Variants in ZFHX3 observed in about 807,000 individuals in gnomAD.
ZFHX3 encodes the protein zinc finger homeobox protein 3.
A neutral mutation model predicts 279.1 loss-of-function variants in ZFHX3; 42 were observed. That is an observed-to-expected ratio of 0.15 (90% CI 0.12 to 0.19). The LOEUF (loss-of-function observed/expected upper bound fraction) is 0.19. Ranked by LOEUF, ZFHX3 falls within the 10% of genes least tolerant of loss-of-function variation. ZFHX3 has a pLI of 1.00. For synonymous variants in ZFHX3, 2,293 were observed against 1,957.8 expected (o/e 1.17, Z -4.52); for missense variants, 4,981 against 4,754.0 (o/e 1.05, Z -1.40).
chr16:73,729,160 T>C (rs2142246996), intron 1 of ZFHX3, among the ~76,000 whole-genome samples: 1 of 152,272 alleles, frequency 6.6e-6, no homozygotes, highest in African/African-American at 2.4e-5. Context: ...GGAATTCCAG[T>C]TCCTCATGGT....
At chr16:73,737,991 T>G (rs1027157172) in intron 1 of ZFHX3, among the ~76,000 whole-genome samples, 39 of 152,248 alleles carry the variant, frequency 2.6e-4, no homozygotes, top group African/African-American at 9.4e-4. Flanking sequence ...TCAAAACTAA[T>G]GGCAACGTTG....
intron 2 of ZFHX3, among the ~76,000 whole-genome samples, chr16:73,467,366 C>G (rs1390621619): frequency 6.6e-6 from 1 of 152,202 alleles, no homozygotes; most frequent in Non-Finnish European, 1.5e-5. Flanking sequence ...CCTATGTGGA[C>G]TCTAGGTCAC....
At chr16:73,414,438 C>T (rs1020445662) in intron 3 of ZFHX3, among the ~76,000 whole-genome samples, 1 of 152,254 alleles carries the variant, frequency 6.6e-6, no homozygotes, top group African/African-American at 2.4e-5. Context: ...CAAATCTTCA[C>T]TACAAGGTGG....
At chr16:73,558,170 T>G (rs796132390) in intron 2 of ZFHX3, 25 of 152,320 alleles carry the variant, frequency 1.6e-4, no homozygotes, top group African/African-American at 4.8e-4. Context: ...AGAGTGCAAA[T>G]TTCTAAATGC....
At chr16:73,864,527 T>C (rs1370595307) in intron 1 of ZFHX3, among the ~76,000 whole-genome samples, 1 of 152,182 alleles carries the variant, frequency 6.6e-6, no homozygotes. Context: ...GAGACCAGCC[T>C]GGACAACATG....
intron 5 of ZFHX3, among the ~76,000 whole-genome samples, chr16:73,246,305 C>G (rs993225866): frequency 6.6e-6 from 1 of 152,112 alleles, no homozygotes; most frequent in African/African-American, 2.4e-5. Context: ...TCCCTCCTGG[C>G]CAGGAGCTTG....
chr16:73,203,413 T>C (rs959727365), intron 5 of ZFHX3, among the ~76,000 whole-genome samples: 2 of 152,260 alleles, frequency 1.3e-5, no homozygotes, highest in African/African-American at 4.8e-5. Flanking sequence ...ACAATTTGAC[T>C]TGCATTATGG....
intron 2 of ZFHX3, among the ~76,000 whole-genome samples, chr16:73,517,916 A>G (rs1173440801): frequency 1.3e-5 from 2 of 152,246 alleles, no homozygotes; most frequent in Non-Finnish European, 2.9e-5. Context: ...ACATAAAAAA[A>G]TAAGTGAAAT....
chr16:73,525,699 A>G (rs1484516998), intron 2 of ZFHX3, among the ~76,000 whole-genome samples: 1 of 152,220 alleles, frequency 6.6e-6, no homozygotes, highest in Non-Finnish European at 1.5e-5. Flanking sequence ...CCTCAGGACC[A>G]GCAGCCAATA....
rs1193118998 is a variant in ZFHX3, at chr16:73,581,640, C to CTT, written c.-1547+98539_-1547+98540insAA. On this transcript the variant is annotated intron_variant, in intron 2 of 17. Transcript: ENST00000641206. Reference sequence around the variant, plus strand: ...ATTAACATCCATATCACTGGTCAAGCATAAAACTTCGAATGTCTCTTTTTT... The same window carrying CTT: ...ATTAACATCCATATCACTGGTCAAGCTTATAAAACTTCGAATGTCTCTTTTTT... Among the ~76,000 whole-genome samples, 210 of 142,892 alleles carry CTT rather than the reference C, an allele frequency of 1.5e-3. 4 individuals are homozygous for CTT. Among genetic ancestry groups the CTT allele is most frequent in the African/African-American group, 5.4e-3 (206 of 37,958 alleles). 93.7% of individuals were successfully genotyped at this position (142,892 alleles called of 152,430 possible). A position where few individuals can be genotyped will look rare whatever the true frequency, so the allele number is the denominator to read the frequency against.
At chr16:73,718,600 T>C (rs1450529875) in intron 1 of ZFHX3, among the ~76,000 whole-genome samples, 6 of 141,444 alleles carry the variant, frequency 4.2e-5, no homozygotes, top group African/African-American at 1.3e-4. Context: ...TGTTTATGTA[T>C]TTATTTATTT....
At chr16:73,342,701 G>T (rs575029914) in intron 3 of ZFHX3, among the ~76,000 whole-genome samples, 2 of 152,294 alleles carry the variant, frequency 1.3e-5, no homozygotes, top group Non-Finnish European at 2.9e-5. Context: ...CCTGCAAGAG[G>T]TGGGTAGGTA....
At chr16:72,842,848 A>C (rs2037378129) in intron 4 of ZFHX3, among the ~76,000 whole-genome samples, 1 of 152,240 alleles carries the variant, frequency 6.6e-6, no homozygotes, top group Non-Finnish European at 1.5e-5. Context: ...ATGGAAATTA[A>C]GACAGAAAAC....
intron 2 of ZFHX3, among the ~76,000 whole-genome samples, chr16:73,610,861 C>T (rs972872898): frequency 2.0e-5 from 3 of 152,286 alleles, no homozygotes; most frequent in Non-Finnish European, 4.4e-5. Flanking sequence ...AAAGGATTGT[C>T]AAAAGCCAGG....
At chr16:73,082,271 T>C (rs974895100) in intron 8 of ZFHX3, among the ~76,000 whole-genome samples, 6 of 151,960 alleles carry the variant, frequency 3.9e-5, no homozygotes, top group African/African-American at 1.4e-4. Flanking sequence ...GAATGAATTT[T>C]TTTTTCTCTT....
rs75797910 is a variant in ZFHX3 at position 73,044,623 on chromosome 16, T to C, written c.-50+3129A>G. Reference sequence around the variant, plus strand: ...GAGTGTTTGTTTGTTTGTTTGTTTGTTTGCTTTGAGATGGAGTTTCGGAGT... The same window carrying C: ...GAGTGTTTGTTTGTTTGTTTGTTTGCTTGCTTTGAGATGGAGTTTCGGAGT... On this transcript the variant is annotated intron_variant, in intron 1 of 9. Transcript: ENST00000268489. Among the ~76,000 whole-genome samples, 470 of 141,354 alleles carry C rather than the reference T, an allele frequency of 3.3e-3. 2 individuals are homozygous for C. Among genetic ancestry groups the C allele is most frequent in the African/African-American group, 0.012 (453 of 36,866 alleles). The allele number at this position is 141,354 out of a possible 152,430, so 92.7% of individuals were successfully genotyped here. A position where few individuals can be genotyped will look rare whatever the true frequency, so the allele number is the denominator to read the frequency against.
chr16:73,820,391 G>T (rs1328706521), intron 1 of ZFHX3, among the ~76,000 whole-genome samples: 2 of 152,124 alleles, frequency 1.3e-5, no homozygotes, highest in Admixed American at 1.3e-4. Flanking sequence ...ACTCTTAACT[G>T]GCTGGTGGCT....
chr16:73,646,305 C>G (rs958378459), intron 2 of ZFHX3, among the ~76,000 whole-genome samples: 2 of 151,956 alleles, frequency 1.3e-5, no homozygotes, highest in African/African-American at 4.8e-5. Context: ...ATCAAAACTA[C>G]TTAGAGATGA....
chr16:73,691,978 T>C (rs528331534), intron 1 of ZFHX3, among the ~76,000 whole-genome samples: 68 of 152,304 alleles, frequency 4.5e-4, no homozygotes, highest in African/African-American at 1.1e-3. Flanking sequence ...AAAGAGATTA[T>C]CATCAAATAA....
Sources: allele counts gnomAD v4.1 joint callset (sites outside exome capture counted in the v4.1 genomes callset), GRCh38; gene constraint gnomAD v4.1.1; transcripts MANE v1.5; gene names NCBI Gene and HGNC (gene_info 2026-07-23, HGNC 2026-07-21).